MAST4: variants seen among roughly 807,000 people sequenced by gnomAD.
The protein encoded by MAST4 is microtubule associated serine/threonine kinase family member 4.
Under a neutral mutation model 162.7 loss-of-function variants are expected in MAST4, and 89 were observed. The observed-to-expected ratio is 0.55, with a 90% CI of 0.46 to 0.65. The LOEUF is 0.65. Among genes scored for constraint, MAST4 ranks in the 30% least tolerant of loss-of-function variants. The probability of loss-of-function intolerance (pLI) is 0.00; values close to 1 mark genes in which losing one functional copy is unlikely to be tolerated. For synonymous variants in MAST4, 1,479 were observed against 1,361.1 expected (o/e 1.09, Z -1.91); for missense variants, 3,153 against 3,374.0 (o/e 0.93, Z 1.62).
rs200186179 is a variant in MAST4 at position 67,075,528 on chromosome 5, GGAGTT to G, written c.764-14628_764-14624del. 1.0e-3 allele frequency among the ~76,000 whole-genome samples: 153 copies of G among 152,074 alleles called. 6 individuals are homozygous for G. In the East Asian group the frequency reaches 0.027, roughly 27 times the overall value. The stretch of plus-strand genomic sequence containing the variant: ...TGCTGAATAAAAATGTGATTGGTGA[GGAGTT>G]GAGTTAATTAATGTAAAATATTACA... On this transcript the variant is annotated intron_variant, in intron 5 of 28. Transcript: ENST00000403625.
chr5:66,838,881 A>G (rs1257407200), intron 3 of MAST4, among the ~76,000 whole-genome samples: 1 of 152,218 alleles, frequency 6.6e-6, no homozygotes, highest in Non-Finnish European at 1.5e-5. Flanking sequence ...TGGGCCTCAT[A>G]GTCTAGCAAT....
chr5:67,057,168 C>A (rs1205194262), intron 5 of MAST4, among the ~76,000 whole-genome samples: 1 of 152,062 alleles, frequency 6.6e-6, no homozygotes. Flanking sequence ...AGGACCAGGC[C>A]CCACATCCTG....
intron 3 of MAST4, among the ~76,000 whole-genome samples, chr5:66,878,772 A>C (rs1396145079): frequency 6.6e-6 from 1 of 152,254 alleles, no homozygotes; most frequent in East Asian, 1.9e-4. Flanking sequence ...ACCTAGGTAA[A>C]GCTGCAAAGC....
intron 3 of MAST4, among the ~76,000 whole-genome samples, chr5:66,874,344 G>A (rs1761147146): frequency 6.6e-6 from 1 of 152,118 alleles, no homozygotes; most frequent in South Asian, 2.1e-4. Context: ...GGGAGCATCA[G>A]GGACATGATC....
At chr5:66,615,927 A>G (rs1251033634) in intron 1 of MAST4, among the ~76,000 whole-genome samples, 1 of 152,130 alleles carries the variant, frequency 6.6e-6, no homozygotes, top group Non-Finnish European at 1.5e-5. Context: ...TGCTTCTTGC[A>G]TTTGGGCATT....
At chr5:66,741,510 C>A (rs1166832696) in intron 1 of MAST4, among the ~76,000 whole-genome samples, 2 of 152,082 alleles carry the variant, frequency 1.3e-5, no homozygotes, top group Non-Finnish European at 2.9e-5. Flanking sequence ...CATGTAGACA[C>A]AACATAAAGA....
chr5:66,846,630 AT>A (rs1758876739), intron 3 of MAST4, among the ~76,000 whole-genome samples: 1 of 152,196 alleles, frequency 6.6e-6, no homozygotes, highest in African/African-American at 2.4e-5. Flanking sequence ...GAGGTATGTT[AT>A]GGTATAAAAT....
rs145381648 is a variant in MAST4 at position 66,783,137 on chromosome 5, A to G, written c.518-5533A>G. ...GGACAAGACCTACGCAAATAACGACATCTAAAATCTAACCCATCATTGCAT... is the reference window on the plus strand; with the variant it reads ...GGACAAGACCTACGCAAATAACGACGTCTAAAATCTAACCCATCATTGCAT... On this transcript the variant is annotated intron_variant, in intron 2 of 28. Coordinates refer to ENST00000403625, the MANE Select transcript of MAST4 (RefSeq NM_001164664.2). Among the ~76,000 whole-genome samples, 8 of 152,338 alleles carry G rather than the reference A, an allele frequency of 5.3e-5. No homozygotes were observed. In the East Asian group the frequency reaches 1.5e-3, roughly 29 times the overall value.
chr5:66,599,210 C>T (rs1469566942), intron 1 of MAST4, among the ~76,000 whole-genome samples: 3 of 152,134 alleles, frequency 2.0e-5, no homozygotes, highest in Non-Finnish European at 4.4e-5. Context: ...GTCCAGTGTG[C>T]ATTTTCTGGT....
intron 4 of MAST4, among the ~76,000 whole-genome samples, chr5:66,996,559 T>G (rs76685795): frequency 3.6e-4 from 55 of 152,292 alleles, no homozygotes; most frequent in African/African-American, 1.3e-3. Context: ...TCAATTTCTG[T>G]GCGCTGAAAT....
chr5:66,858,694 T>G (rs1240011129), intron 3 of MAST4, among the ~76,000 whole-genome samples: 1 of 152,332 alleles, frequency 6.6e-6, no homozygotes, highest in East Asian at 1.9e-4. Context: ...TAAAATTGTT[T>G]AATTTCACCA....
At chr5:66,806,151 G>C (rs1463160765) in intron 3 of MAST4, among the ~76,000 whole-genome samples, 1 of 152,142 alleles carries the variant, frequency 6.6e-6, no homozygotes, top group Non-Finnish European at 1.5e-5. Flanking sequence ...TGCCTCTTGT[G>C]CTGATGAGAA....
chr5:67,158,763 G>C (rs544501182), intron 26 of MAST4, among the ~76,000 whole-genome samples: 1 of 152,130 alleles, frequency 6.6e-6, no homozygotes, highest in Non-Finnish European at 1.5e-5. Context: ...AGCTGGGCAC[G>C]GTAGCTCATG....
At chr5:67,024,904 A>G (rs1329199810) in intron 4 of MAST4, among the ~76,000 whole-genome samples, 1 of 151,954 alleles carries the variant, frequency 6.6e-6, no homozygotes, top group Admixed American at 6.6e-5. Context: ...GAAGTATGAC[A>G]CCAGAGATCT....
intron 5 of MAST4, among the ~76,000 whole-genome samples, chr5:67,059,705 G>T (rs570850573): frequency 1.5e-4 from 23 of 152,234 alleles, no homozygotes; most frequent in Non-Finnish European, 1.8e-4. Context: ...TTTTTAAAAG[G>T]GTTTCTGTAA....
chr5:66,663,463 A>C (rs749350823), intron 1 of MAST4, among the ~76,000 whole-genome samples: 17 of 152,186 alleles, frequency 1.1e-4, no homozygotes, highest in Non-Finnish European at 2.1e-4. Context: ...AGTGATGAGA[A>C]GAGTTGCTGT....
chr5:66,692,413 T>C (rs1056188934), intron 1 of MAST4, among the ~76,000 whole-genome samples: 8 of 39,488 alleles, frequency 2.0e-4, no homozygotes, highest in African/African-American at 4.2e-4. Flanking sequence ...CTTGCTCTCT[T>C]TTTTTTTTTT....
chr5:66,967,223 T>C (rs1228060902), intron 4 of MAST4, among the ~76,000 whole-genome samples: 1 of 152,156 alleles, frequency 6.6e-6, no homozygotes, highest in African/African-American at 2.4e-5. Flanking sequence ...TTTGAGGTGA[T>C]GACACACAGA....
At chr5:67,080,985 T>C (rs564961284) in intron 5 of MAST4, among the ~76,000 whole-genome samples, 18 of 131,856 alleles carry the variant, frequency 1.4e-4, no homozygotes, top group Admixed American at 5.6e-4. Flanking sequence ...ATAATATATA[T>C]AATTGTATAT....
Sources: gnomAD v4.1 joint callset for allele counts (sites outside exome capture counted in the v4.1 genomes callset) on GRCh38, gnomAD v4.1.1 for gene constraint, MANE v1.5 for transcripts, NCBI Gene and HGNC (gene_info 2026-07-23, HGNC 2026-07-21) for gene names.